HCN1: variants seen among roughly 807,000 people sequenced by gnomAD.
The protein encoded by HCN1 is potassium/sodium hyperpolarization-activated cyclic nucleotide-gated channel 1.
A neutral mutation model predicts 78.9 loss-of-function variants in HCN1; 13 were observed. The ratio of observed to expected loss-of-function variants is 0.16; its 90% CI spans 0.11 to 0.26. The LOEUF (loss-of-function observed/expected upper bound fraction) is 0.26, where lower values mean the gene tolerates loss of function less well. Among genes scored for constraint, HCN1 ranks in the 10% least tolerant of loss-of-function variants. The pLI, the probability that HCN1 is intolerant of heterozygous loss-of-function variation, is 1.00. For missense variants in HCN1, 810 were observed against 1,154.3 expected (o/e 0.70, Z 4.32); for synonymous variants, 552 against 455.5 (o/e 1.21, Z -2.70).
In HCN1 at chr5:45,396,578, C is replaced by T; in HGVS notation, c.1144G>A (p.Gly382Arg). The change falls in exon 4 of 8, where the codon GGG becomes AGG. Residue 382 changes from glycine to arginine, a missense_variant. This residue lies in a region of HCN1 where 104 missense variants were observed against 402.8 expected (regional missense o/e 0.26). Coordinates refer to ENST00000303230, the MANE Select transcript of HCN1 (RefSeq NM_021072.4). ...LWITMLSMIVGATCYAMFVGH... is the reference protein window; with the variant it reads ...LWITMLSMIVRATCYAMFVGH... ...ACAAACATGGCATAGCAGGTGGCCC[C>T]GACGATCATGCTCAGCATGGTAATC... The T allele has an allele frequency of 6.2e-7, 1 of 1,613,776 alleles. No individual in the cohort carries two copies. The highest frequency in any genetic ancestry group is 8.5e-7 in the Non-Finnish European group (1 of 1,179,874).
At chr5:45,342,572 T>A (rs929741665) in intron 5 of HCN1, among the ~76,000 whole-genome samples, 9 of 152,208 alleles carry the variant, frequency 5.9e-5, no homozygotes, top group East Asian at 1.9e-4. Flanking sequence ...ATATAAAAAA[T>A]TGAAGTATAT....
chr5:45,508,915 C>G (rs1158355837), intron 2 of HCN1, among the ~76,000 whole-genome samples: 3 of 152,064 alleles, frequency 2.0e-5, no homozygotes, highest in Admixed American at 6.6e-5. Context: ...TGGTTTTCAT[C>G]ATCATTTTTA....
Position 45,262,043 on chromosome 5 carries a change from G to C in HCN1, c.2551C>G (p.Pro851Ala). ...LFRQMSSGAIPPNRGVPPAPP... is the reference protein window; with the variant it reads ...LFRQMSSGAIAPNRGVPPAPP... Reference sequence around the variant, plus strand: ...GCTGGAGGGACTCCTCGGTTCGGGGGGATGGCTCCCGACGACATCTGTCGG... The same window carrying C: ...GCTGGAGGGACTCCTCGGTTCGGGGCGATGGCTCCCGACGACATCTGTCGG... Residue 851 changes from proline to alanine, a missense_variant, in exon 8 of 8, where the codon CCC becomes GCC. Transcript: ENST00000303230. The C allele has an allele frequency of 6.2e-7, 1 of 1,613,982 alleles. No individual in the cohort carries two copies. Among genetic ancestry groups the C allele is most frequent in the Non-Finnish European group, 8.5e-7 (1 of 1,180,014 alleles).
intron 5 of HCN1, among the ~76,000 whole-genome samples, chr5:45,328,256 C>G: frequency 6.6e-6 from 1 of 150,408 alleles, no homozygotes; most frequent in South Asian, 2.1e-4. Flanking sequence ...GCAAAACTAG[C>G]ATTTTTTTTT....
intron 3 of HCN1, among the ~76,000 whole-genome samples, chr5:45,443,457 T>G (rs1740723397): frequency 6.6e-6 from 1 of 152,062 alleles, no homozygotes; most frequent in African/African-American, 2.4e-5. Flanking sequence ...GATTTAACTC[T>G]CCTCTCCAAC....
At chr5:45,374,190 TAC>T in intron 4 of HCN1, among the ~76,000 whole-genome samples, 1 of 113,752 alleles carries the variant, frequency 8.8e-6, no homozygotes, top group East Asian at 2.1e-4. Context: ...ATATATTATA[TAC>T]ATTATATACA....
chr5:45,440,018 G>A (rs1740640861), intron 3 of HCN1, among the ~76,000 whole-genome samples: 2 of 147,828 alleles, frequency 1.4e-5, no homozygotes, highest in African/African-American at 2.5e-5. Flanking sequence ...GTATTATATA[G>A]TATCATATAA....
rs561802535 is a variant in HCN1, at chr5:45,467,146, C to T, written c.850-5139G>A. On this transcript the variant is annotated intron_variant, in intron 2 of 7. Transcript: ENST00000303230. ...TTATCAAATACCCTCAGCCACCTCA[C>T]GAAATGCTTTCTCTACTTCTCTGCT... 2.6e-5 allele frequency among the ~76,000 whole-genome samples: 4 copies of T among 152,148 alleles called. No individual in the cohort carries two copies. The East Asian group carries it at 5.8e-4, about 22-fold the overall frequency.
intron 3 of HCN1, among the ~76,000 whole-genome samples, chr5:45,418,447 A>T (rs1740161808): frequency 6.7e-6 from 1 of 149,886 alleles, no homozygotes. Flanking sequence ...CACAGAGCTC[A>T]TCTGAGCTAA....
At chr5:45,689,706 G>A (rs1486332399) in intron 1 of HCN1, among the ~76,000 whole-genome samples, 3 of 152,086 alleles carry the variant, frequency 2.0e-5, no homozygotes, top group Non-Finnish European at 4.4e-5. Context: ...TATATCGGCT[G>A]AAATTATGCA....
rs1561104816 is a variant in HCN1 at position 45,320,253 on chromosome 5, G to A, written c.1378-16414C>T. On this transcript the variant is annotated intron_variant, in intron 5 of 7. Transcript: ENST00000303230. Reference sequence around the variant, plus strand: ...ATATGGAAGCAAATCTATACCACATGACACCTCATCTCCTAGAGAACATCC... The same window carrying A: ...ATATGGAAGCAAATCTATACCACATAACACCTCATCTCCTAGAGAACATCC... Among the ~76,000 whole-genome samples the A allele has an allele frequency of 2.6e-5, 4 of 151,888 alleles. No individual in the cohort carries two copies. The South Asian group carries it at 8.3e-4, about 31-fold the overall frequency.
chr5:45,642,062 A>T (rs2112027244), intron 2 of HCN1: 1 of 152,298 alleles, frequency 6.6e-6, no homozygotes, highest in South Asian at 2.1e-4. Flanking sequence ...CAAACATAAA[A>T]ATTGGAAAGA....
chr5:45,553,145 C>T (rs761496961), intron 2 of HCN1, among the ~76,000 whole-genome samples: 28 of 151,804 alleles, frequency 1.8e-4, no homozygotes, highest in Non-Finnish European at 3.5e-4. Flanking sequence ...AATCACCTGC[C>T]CAGAAATCTC....
chr5:45,357,906 C>T (rs1388800234), intron 4 of HCN1, among the ~76,000 whole-genome samples: 1 of 151,912 alleles, frequency 6.6e-6, no homozygotes, highest in Non-Finnish European at 1.5e-5. Context: ...TCTGTTAGTT[C>T]CCTAGAGAGC....
chr5:45,638,803 G>GAGACAGGAGAATCACTTGA (rs1454324461), intron 2 of HCN1, among the ~76,000 whole-genome samples: 6 of 152,140 alleles, frequency 3.9e-5, no homozygotes, highest in African/African-American at 1.4e-4. Context: ...TCAGGAGGCT[G>GAGACAGGAGAATCACTTGA]AGACAGGAGA....
intron 5 of HCN1, among the ~76,000 whole-genome samples, chr5:45,314,487 G>C (rs1424188845): frequency 2.0e-5 from 3 of 152,188 alleles, no homozygotes; most frequent in Non-Finnish European, 2.9e-5. Context: ...ACATCATAAT[G>C]ACAGGACGAA....
intron 3 of HCN1, among the ~76,000 whole-genome samples, chr5:45,411,897 T>A (rs1374429547): frequency 1.3e-5 from 2 of 152,054 alleles, no homozygotes; most frequent in African/African-American, 4.8e-5. Flanking sequence ...AGCACACCAC[T>A]TAGTGCAATT....
intron 3 of HCN1, among the ~76,000 whole-genome samples, chr5:45,442,245 T>C (rs976696962): frequency 6.6e-6 from 1 of 152,154 alleles, no homozygotes; most frequent in Non-Finnish European, 1.5e-5. Flanking sequence ...GCTTTTTACA[T>C]TCACTGATTT....
chr5:45,549,000 T>C (rs867820230), intron 2 of HCN1, among the ~76,000 whole-genome samples: 1 of 150,336 alleles, frequency 6.7e-6, no homozygotes, highest in Non-Finnish European at 1.5e-5. Context: ...TAAAAGAGGA[T>C]ACAAACAAAT....
Sources: gnomAD v4.1 joint callset for allele counts (sites outside exome capture counted in the v4.1 genomes callset) on GRCh38, gnomAD v4.1.1 for gene constraint, gnomAD v4.1.1 regional missense constraint, MANE v1.5 for transcripts, NCBI Gene and HGNC (gene_info 2026-07-23, HGNC 2026-07-21) for gene names.